The following BTBD16 variants were observed in gnomAD, a reference collection of about 807,000 sequenced individuals.
BTBD16 encodes the protein BTB/POZ domain-containing protein 16.
Under a neutral mutation model 67.4 loss-of-function variants are expected in BTBD16, and 66 were observed. That is an observed-to-expected ratio of 0.98 (90% CI 0.80 to 1.20). BTBD16 has a LOEUF of 1.20. BTBD16 is among the 50% of genes most tolerant of loss of function. BTBD16 has a pLI of 0.00. For synonymous variants in BTBD16, 242 were observed against 236.4 expected (o/e 1.02, Z -0.22); for missense variants, 634 against 616.0 (o/e 1.03, Z -0.31).
chr10:122,316,655 T>TA lies in BTBD16; in HGVS notation c.911+9356dup, dbSNP rs375382802. ...ATCTAAACATATATGATGTAAAAGA[T>TA]AAAAAAAAAGGATACACCTGTACAG... On this transcript the variant is annotated intron_variant, in intron 10 of 15. Transcript: ENST00000260723. 2.7e-3 allele frequency among the ~76,000 whole-genome samples: 406 copies of TA among 150,992 alleles called. 7 individuals carry two copies. In the South Asian group the frequency reaches 0.048, roughly 18 times the overall value.
chr10:122,336,662 A>G lies in BTBD16; in HGVS notation c.1432A>G (p.Thr478Ala), dbSNP rs2096463801. ...NQIKQKFGLT[T>A]SSCKSHTLKI... Reference sequence around the variant, plus strand: ...GATCAAGCAGAAGTTTGGGTTGACCACGTCATCCTGCAAAAGCCATGCAAG... The same window carrying G: ...GATCAAGCAGAAGTTTGGGTTGACCGCGTCATCCTGCAAAAGCCATGCAAG... The change falls in exon 15 of 16, where the codon ACG (threonine) becomes GCG (alanine). Residue 478 changes from threonine to alanine, a missense_variant. Transcript: ENST00000260723. The G allele has an allele frequency of 6.9e-6, 11 of 1,586,800 alleles. No individual in the cohort carries two copies. The highest frequency in any genetic ancestry group is 2.7e-5 in the African/African-American group (2 of 73,118).
chr10:122,319,077 G>C (rs1347207694), intron 10 of BTBD16, among the ~76,000 whole-genome samples: 1 of 152,172 alleles, frequency 6.6e-6, no homozygotes, highest in African/African-American at 2.4e-5. Flanking sequence ...TTTAAAACCG[G>C]GTTGTTTTAT....
chr10:122,323,623 T>C (rs1044206681), intron 10 of BTBD16, among the ~76,000 whole-genome samples: 14 of 151,590 alleles, frequency 9.2e-5, no homozygotes, highest in Non-Finnish European at 1.5e-4. Context: ...CTTGTGATTA[T>C]ACTAATTGAA....
chr10:122,305,741 C>T (rs182544788), intron 9 of BTBD16, among the ~76,000 whole-genome samples: 3 of 152,340 alleles, frequency 2.0e-5, no homozygotes, highest in East Asian at 3.9e-4. Flanking sequence ...CCTCTTCCTA[C>T]CCACCACCAT....
rs557740528 is a variant in BTBD16 at position 122,313,570 on chromosome 10, A to C, written c.911+6262A>C. ...GAGCCACTGGGCCTGGCCTATAGTT[A>C]GTGCTATTTAAGAATCTTTGCCTAT... On this transcript the variant is annotated intron_variant, in intron 10 of 15. Coordinates refer to ENST00000260723, the MANE Select transcript of BTBD16 (RefSeq NM_144587.5). Among the ~76,000 whole-genome samples, 5 of 152,270 alleles carry C rather than the reference A, an allele frequency of 3.3e-5. No individual in the cohort carries two copies. The South Asian group carries it at 1.0e-3, about 32-fold the overall frequency.
chr10:122,290,613 AGC>A (rs1174335586), intron 6 of BTBD16, among the ~76,000 whole-genome samples: 1 of 152,180 alleles, frequency 6.6e-6, no homozygotes, highest in Non-Finnish European at 1.5e-5. Flanking sequence ...AAGGCAGTTC[AGC>A]TCCTGAACCA....
intron 7 of BTBD16, among the ~76,000 whole-genome samples, chr10:122,297,304 A>G (rs911421465): frequency 5.3e-5 from 8 of 152,106 alleles, no homozygotes; most frequent in Non-Finnish European, 1.5e-5. Flanking sequence ...AACAGGTCCT[A>G]GTCATGAGCT....
At chr10:122,309,155 C>G (rs1025908204) in intron 10 of BTBD16, among the ~76,000 whole-genome samples, 1 of 152,124 alleles carries the variant, frequency 6.6e-6, no homozygotes, top group Non-Finnish European at 1.5e-5. Context: ...GAGACAGGGT[C>G]TTGCTCTGTC....
At chr10:122,299,682 G>A (rs550019793) in intron 9 of BTBD16, among the ~76,000 whole-genome samples, 3 of 152,008 alleles carry the variant, frequency 2.0e-5, no homozygotes, top group African/African-American at 7.2e-5. Context: ...TGATAGTCCT[G>A]GACGCCACTT....
At chr10:122,310,634 C>T (rs77038608) in intron 10 of BTBD16, among the ~76,000 whole-genome samples, 5 of 152,264 alleles carry the variant, frequency 3.3e-5, no homozygotes, top group Non-Finnish European at 5.9e-5. Flanking sequence ...GAGGAGCAGA[C>T]CCCAGGGGAG....
intron 13 of BTBD16, among the ~76,000 whole-genome samples, chr10:122,333,926 G>A (rs1008562369): frequency 1.1e-4 from 16 of 152,092 alleles, no homozygotes; most frequent in African/African-American, 3.4e-4. Flanking sequence ...ATTATTGAAA[G>A]TATATTTCAT....
intron 9 of BTBD16, among the ~76,000 whole-genome samples, chr10:122,306,390 C>T (rs888503847): frequency 3.3e-5 from 5 of 152,176 alleles, no homozygotes; most frequent in East Asian, 1.9e-4. Context: ...GTTATTGGAG[C>T]GATAGGAAAC....
At chr10:122,310,397 C>A (rs2096411661) in intron 10 of BTBD16, among the ~76,000 whole-genome samples, 2 of 152,236 alleles carry the variant, frequency 1.3e-5, no homozygotes, top group South Asian at 4.1e-4. Context: ...GGCTTTGTAG[C>A]TGCTGGCCTA....
At position 122,291,137 on chromosome 10, in the gene BTBD16, A is replaced by T. The variant is rs762586523; in HGVS notation, c.533A>T (p.Asp178Val). Reference sequence around the variant, plus strand: ...AGTGAGGTGGAGATTAACTTGGAAGACCTACTGGGAGTGCTGGCTTCCGCC... The same window carrying T: ...AGTGAGGTGGAGATTAACTTGGAAGTCCTACTGGGAGTGCTGGCTTCCGCC... Reference protein sequence around the residue: ...YMSEVEINLEDLLGVLASAHI... With the variant: ...YMSEVEINLEVLLGVLASAHI... The change falls in exon 7 of 16, where the codon GAC becomes GTC. Residue 178 changes from aspartate (D) to valine (V), a missense_variant. Transcript: ENST00000260723. 15 of 1,613,506 alleles carry T rather than the reference A, an allele frequency of 9.3e-6. No individual in the cohort carries two copies. Among genetic ancestry groups the T allele is most frequent in the Non-Finnish European group, 1.3e-5 (15 of 1,179,814 alleles).
rs113135791 is a variant in BTBD16, at chr10:122,295,039, C to T, written c.591-2729C>T. 1.1e-3 allele frequency among the ~76,000 whole-genome samples: 165 copies of T among 152,342 alleles called. 1 individual carries two copies. The highest frequency in any genetic ancestry group is 3.1e-3 in the African/African-American group (129 of 41,578). ...ACCGGTGAGGCCATGAGCTCCAGGACGAAAAGGCCTCCACCTGTCCCTGGT... is the reference window on the plus strand; with the variant it reads ...ACCGGTGAGGCCATGAGCTCCAGGATGAAAAGGCCTCCACCTGTCCCTGGT... On this transcript the variant is annotated intron_variant, in intron 7 of 15. Coordinates refer to ENST00000260723, the MANE Select transcript of BTBD16 (RefSeq NM_144587.5).
chr10:122,327,053 G>A (rs1360168719), intron 10 of BTBD16, among the ~76,000 whole-genome samples: 4 of 152,150 alleles, frequency 2.6e-5, no homozygotes, highest in African/African-American at 9.7e-5. Context: ...ACAGTTAAGT[G>A]GCGCCAAGTA....
At chr10:122,288,994 A>G (rs564069149) in intron 5 of BTBD16, among the ~76,000 whole-genome samples, 1 of 152,288 alleles carries the variant, frequency 6.6e-6, no homozygotes, top group Admixed American at 6.5e-5. Flanking sequence ...TCTGTAGCTC[A>G]CATTCGAGGA....
In BTBD16 at chr10:122,312,461, C is replaced by T. The variant is rs756694287; in HGVS notation, c.911+5153C>T. ...CTGAGTAGCTGGGACTATAGGCATA[C>T]GCCACCACACCCAGCTAATTTTTGT... is the stretch of plus-strand genomic sequence containing the variant. On this transcript the variant is annotated intron_variant, in intron 10 of 15. Transcript: ENST00000260723. Among the ~76,000 whole-genome samples, 38 of 151,390 alleles carry T rather than the reference C, an allele frequency of 2.5e-4. 2 individuals are homozygous for T. The highest frequency in any genetic ancestry group is 1.8e-3 in the Admixed American group (28 of 15,214).
At chr10:122,308,231 G>A (rs184336353) in intron 10 of BTBD16, among the ~76,000 whole-genome samples, 113 of 152,312 alleles carry the variant, frequency 7.4e-4, no homozygotes, top group African/African-American at 2.5e-3. Context: ...GAAGAAGCAA[G>A]TGAGGAGAAG....
Sources: gnomAD v4.1 joint callset for allele counts (sites outside exome capture counted in the v4.1 genomes callset) on GRCh38, gnomAD v4.1.1 for gene constraint, MANE v1.5 for transcripts, NCBI Gene and HGNC (gene_info 2026-07-23, HGNC 2026-07-21) for gene names.